Variants in SSBP3 observed in about 807,000 individuals in gnomAD.
The protein encoded by SSBP3 is single-stranded DNA-binding protein 3.
SSBP3 carries 5 observed loss-of-function variants against 69.6 expected under a neutral mutation model. The ratio of observed to expected loss-of-function variants is 0.07; its 90% CI spans 0.04 to 0.15. The LOEUF is 0.15. SSBP3 is among the 10% of genes least tolerant of loss of function. SSBP3 has a pLI of 1.00. For missense variants in SSBP3, 312 were observed against 534.0 expected, an observed-to-expected ratio of 0.58 and a Z score of 4.10; for synonymous variants, 196 against 193.4, an observed-to-expected ratio of 1.01 and a Z score of -0.11.
intron 4 of SSBP3, among the ~76,000 whole-genome samples, chr1:54,334,681 G>T (rs1646478429): frequency 6.6e-6 from 1 of 152,194 alleles, no homozygotes; most frequent in African/African-American, 2.4e-5. Flanking sequence ...TGCATGTAAA[G>T]TACCTAGCTA....
upstream of SSBP3, among the ~76,000 whole-genome samples, chr1:54,411,205 C>T (rs1257352782): frequency 6.6e-6 from 1 of 152,146 alleles, no homozygotes; most frequent in Non-Finnish European, 1.5e-5. Flanking sequence ...TTGAGCTAGG[C>T]ACGGTGGCTC....
chr1:54,238,244 C>T (rs536380588), intron 14 of SSBP3: 76 of 471,098 alleles, frequency 1.6e-4, no homozygotes, highest in South Asian at 3.4e-4. Context: ...ACCTCAGGAA[C>T]GGAGCCAACA....
At chr1:54,338,298 T>C (rs1363489164) in intron 4 of SSBP3, among the ~76,000 whole-genome samples, 1 of 152,256 alleles carries the variant, frequency 6.6e-6, no homozygotes, top group Non-Finnish European at 1.5e-5. Context: ...AATGTTTATT[T>C]TTCCATTTCC....
chr1:54,321,046 G>A (rs1410952957), intron 4 of SSBP3, among the ~76,000 whole-genome samples: 2 of 152,242 alleles, frequency 1.3e-5, no homozygotes, highest in Non-Finnish European at 2.9e-5. Context: ...AAATGCACAG[G>A]CAAAGGCACA....
chr1:54,286,200 T>G (rs1202808199), intron 4 of SSBP3: 2 of 152,142 alleles, frequency 1.3e-5, no homozygotes, highest in South Asian at 2.1e-4. Context: ...GCCCAGGCCT[T>G]CCTTCCTCAC....
chr1:54,407,749 ATTTTT>A (rs532968816), upstream of SSBP3, among the ~76,000 whole-genome samples: 6,079 of 97,508 alleles, frequency 0.062, 270 homozygotes, highest in South Asian at 0.18. Flanking sequence ...GCCTAGGTTG[ATTTTT>A]TTTTTTTTTT....
chr1:54,364,647 G>C lies in SSBP3; in HGVS notation c.276+37214C>G, dbSNP rs577277813. On this transcript the variant is annotated intron_variant, in intron 4 of 17. Coordinates refer to ENST00000610401, the Ensembl canonical transcript of SSBP3. ...TGGGGAGGGGAAGAAGAGCACATGG[G>C]ATGGTCTAAGCAAACTAATATCCCA... Among the ~76,000 whole-genome samples the C allele has an allele frequency of 2.6e-5, 4 of 152,304 alleles. No individual in the cohort carries two copies. The East Asian group carries it at 7.7e-4, about 29-fold the overall frequency.
chr1:54,298,803 T>C (rs1216784332), intron 4 of SSBP3, among the ~76,000 whole-genome samples: 5 of 152,178 alleles, frequency 3.3e-5, no homozygotes, highest in Non-Finnish European at 1.5e-5. Context: ...GGTCAGCGTG[T>C]GCAAACAGCC....
exon 12 of SSBP3, chr1:54,241,494 A>G: frequency 6.2e-7 from 1 of 1,614,136 alleles, no homozygotes; most frequent in African/African-American, 1.3e-5. Flanking sequence ...CCAGGTGATG[A>G]GGAGGAGTAT....
At chr1:54,395,392 C>T (rs948372528) in intron 4 of SSBP3, among the ~76,000 whole-genome samples, 4 of 152,198 alleles carry the variant, frequency 2.6e-5, no homozygotes, top group African/African-American at 9.6e-5. Context: ...AGCTGCATGC[C>T]CTCTGGGCCT....
At chr1:54,286,369 C>T (rs1645489962) in intron 4 of SSBP3, 1 of 152,238 alleles carries the variant, frequency 6.6e-6, no homozygotes, top group African/African-American at 2.4e-5. Context: ...TGATGAGGCC[C>T]ATTCCAGCCA....
At chr1:54,228,272 A>G (rs1185554456) in exon 17 of SSBP3, 1 of 1,613,750 alleles carries the variant, frequency 6.2e-7, no homozygotes, top group Non-Finnish European at 8.5e-7. Flanking sequence ...TTCTGAAAGG[A>G]GTGGAGGAAG....
At chr1:54,388,421 T>C (rs1648243779) in intron 4 of SSBP3, among the ~76,000 whole-genome samples, 1 of 152,246 alleles carries the variant, frequency 6.6e-6, no homozygotes, top group Non-Finnish European at 1.5e-5. Flanking sequence ...TTAAATGCCA[T>C]GCCCACACAC....
At chr1:54,330,144 C>T (rs1646382095) in intron 4 of SSBP3, among the ~76,000 whole-genome samples, 1 of 151,988 alleles carries the variant, frequency 6.6e-6, no homozygotes, top group Admixed American at 6.6e-5. Context: ...CACAGGCAGC[C>T]CCCAAAGCAG....
At chr1:54,355,505 T>A (rs1207433179) in intron 4 of SSBP3, among the ~76,000 whole-genome samples, 3 of 152,142 alleles carry the variant, frequency 2.0e-5, no homozygotes, top group Admixed American at 6.5e-5. Flanking sequence ...CGTGCCACCA[T>A]GCGTGACTAA....
intron 4 of SSBP3, among the ~76,000 whole-genome samples, chr1:54,373,915 T>C (rs527732450): frequency 3.9e-5 from 6 of 152,076 alleles, no homozygotes; most frequent in Non-Finnish European, 7.4e-5. Flanking sequence ...TTGTTTCCCA[T>C]GGTGTGCACG....
At chr1:54,273,418 C>T (rs1434359070) in intron 5 of SSBP3, among the ~76,000 whole-genome samples, 4 of 152,216 alleles carry the variant, frequency 2.6e-5, no homozygotes, top group Admixed American at 2.6e-4. Flanking sequence ...AGCCAGCCGC[C>T]GCCGAGGCAG....
At chr1:54,395,259 G>A (rs151303618) in intron 4 of SSBP3, among the ~76,000 whole-genome samples, 7 of 152,208 alleles carry the variant, frequency 4.6e-5, no homozygotes, top group African/African-American at 1.7e-4. Context: ...CCCATGGTGG[G>A]CTGTGCCAGG....
At chr1:54,276,385 CG>C (rs1021080765) in intron 5 of SSBP3, among the ~76,000 whole-genome samples, 1 of 151,644 alleles carries the variant, frequency 6.6e-6, no homozygotes, top group Admixed American at 6.6e-5. Flanking sequence ...CTGAGGTGGG[CG>C]GATCACTTGA....
Sources: allele counts gnomAD v4.1 joint callset (sites outside exome capture counted in the v4.1 genomes callset), GRCh38; gene constraint gnomAD v4.1.1; transcripts MANE v1.5; gene names NCBI Gene and HGNC (gene_info 2026-07-23, HGNC 2026-07-21).